The following MXRA5 variants were observed in gnomAD, a reference collection of about 807,000 sequenced individuals.
MXRA5 encodes matrix-remodeling-associated protein 5.
MXRA5 carries 41 observed loss-of-function variants against 112.5 expected under a neutral mutation model. The observed-to-expected ratio is 0.36, with a 90% CI of 0.28 to 0.47. The LOEUF (loss-of-function observed/expected upper bound fraction) is 0.47, where lower values mean the gene tolerates loss of function less well. Ranked by LOEUF, MXRA5 falls within the 20% of genes least tolerant of loss-of-function variation. MXRA5 has a pLI of 0.99. For synonymous variants in MXRA5, 862 were observed against 900.8 expected (o/e 0.96, Z 0.77); for missense variants, 2,150 against 2,251.0 (o/e 0.96, Z 0.91).
At chrX:3,314,751 C>T (rs935790316) in intron 6 of MXRA5, among the ~76,000 whole-genome samples, 8 of 105,304 alleles carry the variant, frequency 7.6e-5, no homozygotes, top group Admixed American at 4.1e-4. Context: ...TCTCCGGGCT[C>T]CACCCACCAG....
chrX:3,321,324 T>C lies in MXRA5; in HGVS notation c.4361A>G (p.Gln1454Arg). ...TTGATCAAGGGTGGTGGTTTCTGCCTGACTTGAAGCCACCTCCACTTTTAT... is the reference window on the plus strand; with the variant it reads ...TTGATCAAGGGTGGTGGTTTCTGCCCGACTTGAAGCCACCTCCACTTTTAT... ...SSIKVEVASS[Q>R]AETTTLDQDH... Residue 1454 changes from glutamine (Q) to arginine (R), a missense_variant, in exon 5 of 7, where the codon CAG (glutamine) becomes CGG (arginine). Around this residue, in one of 6 missense-constraint regions of MXRA5, gnomAD observed 1,485 missense variants for 1,471.6 expected, o/e 1.01. Transcript: ENST00000217939. The C allele has an allele frequency of 8.3e-7, 1 of 1,211,591 alleles. No individual in the cohort carries two copies. Among genetic ancestry groups the C allele is most frequent in the Middle Eastern group, 2.3e-4 (1 of 4,308 alleles).
At chrX:3,311,718 T>G in intron 6 of MXRA5, 94 bp from the exon 7 acceptor site, 1 of 730,699 alleles carries the variant, frequency 1.4e-6, no homozygotes, top group Non-Finnish European at 2.0e-6. Context: ...TAGGTGTTTC[T>G]GTGATGCATC....
rs1228793325 is a variant in MXRA5 at position 3,308,674 on chromosome X, G to C, written c.*1042C>G. 8.9e-6 allele frequency: 1 copy of C among 111,866 alleles called. No individual in the cohort carries two copies. Among genetic ancestry groups the C allele is most frequent in the Non-Finnish European group, 1.9e-5 (1 of 53,232 alleles). 9.2% of individuals were successfully genotyped at this position (111,866 alleles called of 1,213,427 possible). On this transcript the variant is annotated 3_prime_UTR_variant, in exon 7 of 7. Coordinates refer to ENST00000217939, the MANE Select transcript of MXRA5 (RefSeq NM_015419.4). ...CGTGTATTATTCATGGGCACAAACT[G>C]ACTCATGGCTGGGGAAGAAGCAGCC...
At chrX:3,318,440 C>A (rs1449485925) in intron 5 of MXRA5, among the ~76,000 whole-genome samples, 1 of 112,200 alleles carries the variant, frequency 8.9e-6, no homozygotes, top group East Asian at 2.8e-4. Context: ...AGCCACCACA[C>A]CCAGCCTGTT....
At chrX:3,337,163 A>C (rs2146931049) in intron 2 of MXRA5, among the ~76,000 whole-genome samples, 1 of 112,148 alleles carries the variant, frequency 8.9e-6, no homozygotes, top group South Asian at 3.8e-4. Context: ...TAAGAAACAA[A>C]GGGACGTTTG....
At position 3,329,946 on chromosome X, in the gene MXRA5, T is replaced by C; in HGVS notation, c.709+72A>G. On this transcript the variant is annotated intron_variant, in intron 4 of 6. Transcript: ENST00000217939. Reference sequence around the variant, plus strand: ...ATTGAATAAGTCAATATAAGAACCTTGGAGAATGGAACGTCTCCAAAAAGA... The same window carrying C: ...ATTGAATAAGTCAATATAAGAACCTCGGAGAATGGAACGTCTCCAAAAAGA... 2.7e-6 allele frequency: 3 copies of C among 1,098,083 alleles called. No homozygotes were observed. In the East Asian group the frequency reaches 9.1e-5, roughly 33 times the overall value. 90.5% of individuals were successfully genotyped at this position (1,098,083 alleles called of 1,213,427 possible). A position where few individuals can be genotyped will look rare whatever the true frequency, so the allele number is the denominator to read the frequency against.
rs749463842 is a variant in MXRA5 at position 3,317,246 on chromosome X, G to A, written c.6435C>T (p.Asn2145=). The A allele has an allele frequency of 3.3e-6, 4 of 1,209,739 alleles. No individual in the cohort carries two copies. The highest frequency in any genetic ancestry group is 5.9e-5 in the East Asian group (2 of 33,745). The change falls in exon 6 of 7, where the codon AAC becomes AAT. Residue 2145 remains asparagine (N), a synonymous_variant. Transcript: ENST00000217939. ...VQLNVQRAAA[N]ARITGTSPRR... is the part of the protein sequence containing the mutation. The stretch of plus-strand genomic sequence containing the variant: ...GCGGGGAGGTGCCCGTGATGCGCGC[G>A]TTGGCTGCTGCACGCTGCACGTTCA...
intron 6 of MXRA5, among the ~76,000 whole-genome samples, chrX:3,314,664 T>C (rs1237965782): frequency 1.8e-5 from 2 of 110,557 alleles, no homozygotes; most frequent in Non-Finnish European, 3.8e-5. Context: ...TTGGCTTCAG[T>C]ACTAGGGACA....
rs772308535 is a variant in MXRA5, at chrX:3,336,698, G to C, written c.189-5925C>G. ...TACAAGGGTGAATGCCATGTCATTT[G>C]AATTTTACTTTAAAAAATTGCAAAA... On this transcript the variant is annotated intron_variant, in intron 2 of 6. Coordinates refer to ENST00000217939, the MANE Select transcript of MXRA5 (RefSeq NM_015419.4). 1.2e-4 allele frequency among the ~76,000 whole-genome samples: 14 copies of C among 112,470 alleles called. No individual in the cohort carries two copies. The East Asian group carries it at 3.6e-3, about 29-fold the overall frequency.
chrX:3,342,887 A>G (rs1294011418), intron 2 of MXRA5, among the ~76,000 whole-genome samples: 5 of 112,698 alleles, frequency 4.4e-5, no homozygotes, highest in African/African-American at 1.3e-4. Context: ...AAATCTGGCC[A>G]TTTTATTTTT....
rs776314231 is a variant in MXRA5 at position 3,320,616 on chromosome X, C to A, written c.5069G>T (p.Arg1690Leu). The change falls in exon 5 of 7, where the codon CGA (arginine) becomes CTA (leucine). Residue 1690 changes from arginine to leucine, a missense_variant. By Grantham distance (102) the Arg-to-Leu change is moderately radical. Transcript: ENST00000217939. ...GTAGCCATTGAATTGGTCAGTTCTT[C>A]GGTCAGTAAACTTACTAGGAATGCT... ...KPSIPSKFTD[R>L]RTDQFNGYSK... 42 of 1,209,990 alleles carry A rather than the reference C, an allele frequency of 3.5e-5. No individual in the cohort carries two copies. In the South Asian group the frequency reaches 7.2e-4, roughly 21 times the overall value.
intron 2 of MXRA5, among the ~76,000 whole-genome samples, chrX:3,338,000 T>C (rs774236708): frequency 9.0e-6 from 1 of 111,076 alleles, no homozygotes; most frequent in Non-Finnish European, 1.9e-5. Context: ...TTTGTAAGAA[T>C]CTAAGGGGAG....
Position 3,323,317 on chromosome X carries a change from C to T in MXRA5, c.2368G>A (p.Val790Ile), listed in dbSNP as rs141951199. The T allele has an allele frequency of 2.5e-6, 3 of 1,209,854 alleles. No individual in the cohort carries two copies. The African/African-American group carries it at 5.3e-5, about 21-fold the overall frequency. ...PERWADILAKVRGKNLPKGTE... is the reference protein window; with the variant it reads ...PERWADILAKIRGKNLPKGTE... ...CCCTTAGGGAGATTTTTCCCACGGA[C>T]TTTGGCTAAAATATCAGCCCAGCGC... is the stretch of plus-strand genomic sequence containing the variant. The change falls in exon 5 of 7, where the codon GTC becomes ATC. Residue 790 changes from valine to isoleucine, a missense_variant. Transcript: ENST00000217939.
In MXRA5 at chrX:3,323,198, T is replaced by A. The variant is rs1236916856; in HGVS notation, c.2487A>T (p.Ala829=). 8.3e-7 allele frequency: 1 copy of A among 1,209,266 alleles called. No homozygotes were observed. Among genetic ancestry groups the A allele is most frequent in the East Asian group, 3.0e-5 (1 of 33,747 alleles). ...PPFPAISPPS[A]SPVQTVTSAE... ...CACTGGTTACTGTCTGCACAGGAGATGCTGAGGGGGGAGAAATAGCAGGAA... is the reference window on the plus strand; with the variant it reads ...CACTGGTTACTGTCTGCACAGGAGAAGCTGAGGGGGGAGAAATAGCAGGAA... The change falls in exon 5 of 7, where the codon GCA becomes GCT. Residue 829 remains alanine (A), a synonymous_variant. Transcript: ENST00000217939.
Position 3,317,362 on chromosome X carries a change from G to C in MXRA5, c.6319C>G (p.Leu2107Val). 8.3e-7 allele frequency: 1 copy of C among 1,209,901 alleles called. No homozygotes were observed. The highest frequency in any genetic ancestry group is 1.8e-5 in the South Asian group (1 of 56,572). Residue 2107 changes from leucine (L) to valine (V), a missense_variant, in exon 6 of 7, where the codon CTC (leucine) becomes GTC (valine). By Grantham distance (32) the Leu-to-Val change is conservative. This residue lies in a region of MXRA5 where 1,485 missense variants were observed against 1,471.6 expected (regional missense o/e 1.01). Transcript: ENST00000217939. ...GNLFVFPNGT[L>V]YIRNLAPKDS... ...TTGGGCGCGAGGTTGCGGATGTAGA[G>C]CGTCCCGTTGGGGAAAACAAACAAG...
Position 3,321,080 on chromosome X carries a change from C to T in MXRA5, c.4605G>A (p.Gly1535=). The change falls in exon 5 of 7, where the codon GGG becomes GGA. Residue 1535 remains glycine (G), a synonymous_variant. Coordinates refer to ENST00000217939, the MANE Select transcript of MXRA5 (RefSeq NM_015419.4). The part of the protein sequence containing the change: ...SKENVFLNYV[G]NPETEATPVN... ...CTGGGGTTGCTTCTGTTTCTGGATTCCCCACATAATTCAAGAAAACATTTT... is the reference window on the plus strand; with the variant it reads ...CTGGGGTTGCTTCTGTTTCTGGATTTCCCACATAATTCAAGAAAACATTTT... 1 of 1,211,471 alleles carries T rather than the reference C, an allele frequency of 8.3e-7. No homozygotes were observed. Among genetic ancestry groups the T allele is most frequent in the Non-Finnish European group, 1.1e-6 (1 of 895,239 alleles).
chrX:3,336,756 A>G (rs1295824909), intron 2 of MXRA5, among the ~76,000 whole-genome samples: 1 of 112,549 alleles, frequency 8.9e-6, no homozygotes, highest in Non-Finnish European at 1.9e-5. Flanking sequence ...ATGTGCCTTC[A>G]GGATGTAGTG....
Position 3,316,185 on chromosome X carries a change from G to T in MXRA5, c.6578+918C>A, listed in dbSNP as rs868661033. 5.7e-3 allele frequency among the ~76,000 whole-genome samples: 513 copies of T among 89,979 alleles called. 2 individuals are homozygous for T. The highest frequency in any genetic ancestry group is 0.011 in the Middle Eastern group (2 of 186). The allele number at this position is 89,979 out of a possible 115,157, so 78.1% of individuals were successfully genotyped here. On this transcript the variant is annotated intron_variant, in intron 6 of 6. Transcript: ENST00000217939. Reference sequence around the variant, plus strand: ...AAAAATTAGCCAGGCGTGGTGGCGGGCGCCTGTAGTCCCAGCTACACGGGA... The same window carrying T: ...AAAAATTAGCCAGGCGTGGTGGCGGTCGCCTGTAGTCCCAGCTACACGGGA...
chrX:3,337,316 C>T (rs1053232183), intron 2 of MXRA5, among the ~76,000 whole-genome samples: 8 of 112,105 alleles, frequency 7.1e-5, no homozygotes, highest in Non-Finnish European at 1.3e-4. Context: ...CTTTATGGCA[C>T]GGCCATTGAT....
Sources: gnomAD v4.1 joint callset for allele counts (sites outside exome capture counted in the v4.1 genomes callset) on GRCh38, gnomAD v4.1.1 for gene constraint, gnomAD v4.1.1 regional missense constraint, MANE v1.5 for transcripts, NCBI Gene and HGNC (gene_info 2026-07-23, HGNC 2026-07-21) for gene names.